The following DLGAP2 variants were observed in gnomAD, a reference collection of about 807,000 sequenced individuals.
DLGAP2 encodes disks large-associated protein 2.
In DLGAP2, 26 loss-of-function variants were observed where a neutral mutation model predicts 100.3. The observed-to-expected ratio is 0.26, with a 90% confidence interval of 0.19 to 0.36. DLGAP2 has a LOEUF of 0.36. Among genes scored for constraint, DLGAP2 ranks in the 10% least tolerant of loss-of-function variants. The pLI is 1.00. For synonymous variants in DLGAP2, 886 were observed against 630.1 expected, an observed-to-expected ratio of 1.41 and a Z score of -6.08; for missense variants, 1,858 against 1,453.2, an observed-to-expected ratio of 1.28 and a Z score of -4.53.
Position 888,451 on chromosome 8 carries a change from C to T in DLGAP2, c.19-19461C>T, listed in dbSNP as rs148349923. ...TGTGATCATTTGGAGAAGATAAGAC[C>T]CTCTGGCCTTTTGGGTTTTCAGCAT... On this transcript the variant is annotated intron_variant, in intron 1 of 14. Transcript: ENST00000637795. Among the ~76,000 whole-genome samples, 274 of 152,212 alleles carry T rather than the reference C, an allele frequency of 1.8e-3. 1 individual carries two copies. The highest frequency in any genetic ancestry group is 6.0e-3 in the African/African-American group (248 of 41,528).
At chr8:1,334,884 T>G (rs1407889154) in intron 3 of DLGAP2, among the ~76,000 whole-genome samples, 1 of 152,194 alleles carries the variant, frequency 6.6e-6, no homozygotes, top group East Asian at 1.9e-4. Context: ...CTCTGAATGT[T>G]CTTTCTTCTC....
intron 8 of DLGAP2, among the ~76,000 whole-genome samples, chr8:1,638,123 G>A (rs1359887662): frequency 6.6e-6 from 1 of 152,188 alleles, no homozygotes; most frequent in Non-Finnish European, 1.5e-5. Context: ...ACTTGCACCT[G>A]CAGAATTCGG....
intron 10 of DLGAP2, among the ~76,000 whole-genome samples, chr8:1,676,095 G>A (rs778006209): frequency 6.6e-6 from 1 of 152,128 alleles, no homozygotes; most frequent in African/African-American, 2.4e-5. Context: ...TCCTTTCTGT[G>A]TCTTTCTGTA....
At chr8:1,671,134 C>T (rs1467529513) in intron 10 of DLGAP2, among the ~76,000 whole-genome samples, 1 of 152,232 alleles carries the variant, frequency 6.6e-6, no homozygotes, top group African/African-American at 2.4e-5. Context: ...ACGGCCAAGG[C>T]CATGAGTGAA....
intron 3 of DLGAP2, among the ~76,000 whole-genome samples, chr8:1,421,234 G>A (rs963755496): frequency 2.0e-5 from 3 of 152,188 alleles, no homozygotes; most frequent in African/African-American, 7.2e-5. Flanking sequence ...GTGTGTGAGA[G>A]CTGCTGTAAT....
intron 2 of DLGAP2, among the ~76,000 whole-genome samples, chr8:967,601 A>C (rs1799903403): frequency 1.3e-5 from 2 of 150,914 alleles, no homozygotes; most frequent in African/African-American, 4.9e-5. Context: ...CTATTTCAAC[A>C]TTTCAATGCA....
At chr8:1,336,816 C>T (rs555349594) in intron 3 of DLGAP2, among the ~76,000 whole-genome samples, 100 of 150,248 alleles carry the variant, frequency 6.7e-4, no homozygotes, top group African/African-American at 2.3e-3. Flanking sequence ...TCATTTAATA[C>T]ATACACACAT....
chr8:871,666 T>G (rs987666355), intron 1 of DLGAP2, among the ~76,000 whole-genome samples: 3 of 152,100 alleles, frequency 2.0e-5, no homozygotes. Flanking sequence ...TTTGAGACAT[T>G]CAACCAGATA....
chr8:772,390 T>A (rs1298291335), intron 1 of DLGAP2, among the ~76,000 whole-genome samples: 1 of 152,190 alleles, frequency 6.6e-6, no homozygotes, highest in Non-Finnish European at 1.5e-5. Flanking sequence ...TGGCATGATC[T>A]CTGCTCACTG....
intron 4 of DLGAP2, among the ~76,000 whole-genome samples, chr8:1,507,455 C>T (rs1010286649): frequency 7.9e-5 from 12 of 152,134 alleles, no homozygotes; most frequent in African/African-American, 1.7e-4. Flanking sequence ...TGCGGGGCCG[C>T]GGAGCCCGCG....
chr8:1,094,299 TTTAA>T (rs1804294579), intron 2 of DLGAP2, among the ~76,000 whole-genome samples: 1 of 152,238 alleles, frequency 6.6e-6, no homozygotes, highest in Non-Finnish European at 1.5e-5. Context: ...GCATTTTAAC[TTTAA>T]TTATGTTATA....
intron 2 of DLGAP2, among the ~76,000 whole-genome samples, chr8:999,905 AGC>A (rs1397489707): frequency 2.0e-5 from 3 of 151,290 alleles, no homozygotes; most frequent in African/African-American, 4.9e-5. Context: ...TTTTCTCTAG[AGC>A]AGACAGATCC....
At chr8:904,805 C>G (rs1027124340) in intron 1 of DLGAP2, among the ~76,000 whole-genome samples, 4 of 152,254 alleles carry the variant, frequency 2.6e-5, no homozygotes, top group African/African-American at 9.6e-5. Context: ...CTGCTAAACG[C>G]TGCTGTAGAA....
intron 2 of DLGAP2, among the ~76,000 whole-genome samples, chr8:1,239,788 C>T (rs1399074397): frequency 2.4e-5 from 1 of 41,258 alleles, no homozygotes; most frequent in Non-Finnish European, 4.5e-5. Flanking sequence ...TCTCACATGG[C>T]GCCGTGTCTA....
At chr8:1,470,003 GA>G (rs11441796) in intron 3 of DLGAP2, among the ~76,000 whole-genome samples, 3 of 148,926 alleles carry the variant, frequency 2.0e-5, no homozygotes, top group African/African-American at 7.5e-5. Flanking sequence ...AAAAAAAAAA[GA>G]AAAAAAAATT....
At chr8:1,213,583 C>A (rs922753245) in intron 2 of DLGAP2, among the ~76,000 whole-genome samples, 5 of 152,182 alleles carry the variant, frequency 3.3e-5, no homozygotes, top group African/African-American at 1.2e-4. Context: ...TCTGCGGCAT[C>A]TTCCTCAGAT....
intron 2 of DLGAP2, among the ~76,000 whole-genome samples, chr8:1,094,000 C>T (rs115203663): frequency 1.5e-4 from 16 of 108,354 alleles, no homozygotes; most frequent in Admixed American, 2.1e-4. Context: ...GAGGGCAGCT[C>T]CCCGGTGGAG....
chr8:891,217 G>C (rs1798028513), intron 1 of DLGAP2: 1 of 152,452 alleles, frequency 6.6e-6, no homozygotes. Flanking sequence ...AGGCGACAAG[G>C]ACCCGTGTGG....
intron 3 of DLGAP2, among the ~76,000 whole-genome samples, chr8:1,447,584 A>G (rs1047256316): frequency 2.6e-5 from 4 of 152,200 alleles, no homozygotes; most frequent in African/African-American, 7.2e-5. Context: ...TTGGTATCAG[A>G]ATGATGCTGG....
Sources: allele counts gnomAD v4.1 joint callset (sites outside exome capture counted in the v4.1 genomes callset), GRCh38; gene constraint gnomAD v4.1.1; transcripts MANE v1.5; gene names NCBI Gene and HGNC (gene_info 2026-07-23, HGNC 2026-07-21).